FAM81A: variants seen among roughly 807,000 people sequenced by gnomAD.
FAM81A encodes the protein protein FAM81A.
FAM81A carries 19 observed loss-of-function variants against 46.7 expected under a neutral mutation model. The observed-to-expected ratio is 0.41, with a 90% CI of 0.28 to 0.60. The LOEUF (loss-of-function observed/expected upper bound fraction) is 0.60, where lower values mean the gene tolerates loss of function less well. FAM81A is among the 20% of genes least tolerant of loss of function. FAM81A has a pLI of 0.34. For synonymous variants in FAM81A, 183 were observed against 152.9 expected (o/e 1.20, Z -1.45); for missense variants, 377 against 453.5 (o/e 0.83, Z 1.53).
chr15:59,417,042 G>C (rs1329440243), intron 2 of FAM81A, among the ~76,000 whole-genome samples: 1 of 152,140 alleles, frequency 6.6e-6, no homozygotes, highest in African/African-American at 2.4e-5. Flanking sequence ...GGATGATGGG[G>C]GCTGGGGTAG....
In FAM81A at chr15:59,483,881, C is replaced by T. The variant is rs1337270924; in HGVS notation, c.295-8390C>T. ...TCGCACCCTATAACTAAGCCAGTCT[C>T]CTGCCCCATGGAGGGGTGGACAGGT... On this transcript the variant is annotated intron_variant, in intron 3 of 8. Transcript: ENST00000288228. Among the ~76,000 whole-genome samples, 6 of 152,220 alleles carry T rather than the reference C, an allele frequency of 3.9e-5. No homozygotes were observed. In the East Asian group the frequency reaches 1.2e-3, roughly 29 times the overall value.
At chr15:59,479,404 G>A (rs571405094) in intron 3 of FAM81A, among the ~76,000 whole-genome samples, 1 of 151,728 alleles carries the variant, frequency 6.6e-6, no homozygotes, top group African/African-American at 2.4e-5. Flanking sequence ...CCAGCTGCTT[G>A]GGAGGCTGAG....
intron 1 of FAM81A, among the ~76,000 whole-genome samples, chr15:59,448,409 A>G (rs2081374538): frequency 6.6e-6 from 1 of 152,146 alleles, no homozygotes; most frequent in South Asian, 2.1e-4. Context: ...CTTTAAACTC[A>G]TGAGTCAAAA....
At chr15:59,462,919 T>G (rs1457460806) in intron 3 of FAM81A, among the ~76,000 whole-genome samples, 1 of 152,252 alleles carries the variant, frequency 6.6e-6, no homozygotes, top group Non-Finnish European at 1.5e-5. Flanking sequence ...TACAAGTCCC[T>G]TATCAGATAT....
intron 4 of FAM81A, 138 bp from the exon 5 acceptor site, chr15:59,507,075 C>A: frequency 8.8e-7 from 1 of 1,142,388 alleles, no homozygotes; most frequent in Non-Finnish European, 1.2e-6. Context: ...TCTTGGAATT[C>A]ATTTGAACCT....
intron 4 of FAM81A, among the ~76,000 whole-genome samples, chr15:59,498,152 A>C (rs1055771606): frequency 3.5e-4 from 53 of 152,336 alleles, no homozygotes; most frequent in African/African-American, 1.2e-3. Context: ...GCCTGGCCCC[A>C]AAATTCAGTA....
intron 1 of FAM81A, among the ~76,000 whole-genome samples, chr15:59,443,201 G>C (rs2081319314): frequency 1.3e-5 from 2 of 152,138 alleles, no homozygotes. Context: ...TCCTGCCTCA[G>C]CCTCCCGAGT....
chr15:59,452,235 C>A (rs2081427415), intron 1 of FAM81A, among the ~76,000 whole-genome samples: 1 of 152,166 alleles, frequency 6.6e-6, no homozygotes, highest in Non-Finnish European at 1.5e-5. Context: ...AAATAAGATA[C>A]CAAAAAGCTG....
chr15:59,419,869 C>T (rs1429173542), intron 2 of FAM81A, among the ~76,000 whole-genome samples: 2 of 152,140 alleles, frequency 1.3e-5, no homozygotes, highest in African/African-American at 4.8e-5. Flanking sequence ...CAGAGCGAGA[C>T]TCCATCTAAA....
At chr15:59,483,547 A>G (rs749318028) in intron 3 of FAM81A, among the ~76,000 whole-genome samples, 2 of 152,226 alleles carry the variant, frequency 1.3e-5, no homozygotes, top group Non-Finnish European at 2.9e-5. Flanking sequence ...TTATGTAAGC[A>G]TAATTACATC....
chr15:59,449,781 C>CAAAA (rs71119473), intron 1 of FAM81A, among the ~76,000 whole-genome samples: 1 of 70,314 alleles, frequency 1.4e-5, no homozygotes, highest in Non-Finnish European at 2.7e-5. Context: ...GACTCTGTCT[C>CAAAA]AAAAAAAAAA....
At chr15:59,437,407 T>G (rs2081250940), upstream of FAM81A, among the ~76,000 whole-genome samples, 1 of 151,368 alleles carries the variant, frequency 6.6e-6, no homozygotes. Context: ...AGCACAATTA[T>G]GAGTGAATGG....
chr15:59,445,296 T>C (rs2081342606), intron 1 of FAM81A: 1 of 152,206 alleles, frequency 6.6e-6, no homozygotes, highest in South Asian at 2.1e-4. Flanking sequence ...TGAGTGTGGC[T>C]TAAATAAAAA....
chr15:59,425,031 C>T (rs2081189365), intron 2 of FAM81A, among the ~76,000 whole-genome samples: 1 of 151,956 alleles, frequency 6.6e-6, no homozygotes, highest in South Asian at 2.1e-4. Flanking sequence ...CCTCTTTTTC[C>T]CTCTTTTATT....
At chr15:59,400,129 T>C (rs2081064012) in intron 1 of FAM81A, among the ~76,000 whole-genome samples, 1 of 152,082 alleles carries the variant, frequency 6.6e-6, no homozygotes, top group African/African-American at 2.4e-5. Context: ...CACTCAGAGA[T>C]TGCAAAGGCA....
chr15:59,401,699 A>T, intron 1 of FAM81A: 1 of 780,594 alleles, frequency 1.3e-6, no homozygotes, highest in Non-Finnish European at 2.4e-6. Flanking sequence ...ACTGGAAAGT[A>T]CTTTAGCTCG....
intron 8 of FAM81A, among the ~76,000 whole-genome samples, 166 bp downstream of exon 8, chr15:59,517,006 A>G (rs2082274640): frequency 6.6e-6 from 1 of 152,192 alleles, no homozygotes; most frequent in African/African-American, 2.4e-5. Flanking sequence ...AGTAGCTACA[A>G]TGCTGTTTGA....
chr15:59,514,940 A>G (rs1401083528), intron 7 of FAM81A, among the ~76,000 whole-genome samples: 6 of 152,180 alleles, frequency 3.9e-5, no homozygotes, highest in African/African-American at 1.4e-4. Context: ...GAACTGCTCA[A>G]AAACGATATC....
intron 4 of FAM81A, among the ~76,000 whole-genome samples, chr15:59,500,492 G>T (rs1052416428): frequency 5.3e-5 from 8 of 151,860 alleles, no homozygotes; most frequent in African/African-American, 1.9e-4. Context: ...TTTAGAGACA[G>T]GGTCTCACTG....
Sources: gnomAD v4.1 joint callset for allele counts (sites outside exome capture counted in the v4.1 genomes callset) on GRCh38, gnomAD v4.1.1 for gene constraint, MANE v1.5 for transcripts, NCBI Gene and HGNC (gene_info 2026-07-23, HGNC 2026-07-21) for gene names.